The following GRM7 variants were observed in gnomAD, a reference collection of about 807,000 sequenced individuals.
The protein encoded by GRM7 is glutamate metabotropic receptor 7.
A neutral mutation model predicts 84.5 loss-of-function variants in GRM7; 35 were observed. That is an observed-to-expected ratio of 0.41 (90% CI 0.32 to 0.55). GRM7 has a LOEUF of 0.55. GRM7 is among the 20% of genes least tolerant of loss of function. GRM7 has a pLI of 0.19. For synonymous variants in GRM7, 487 were observed against 455.1 expected, an observed-to-expected ratio of 1.07 and a Z score of -0.89; for missense variants, 1,003 against 1,194.6, an observed-to-expected ratio of 0.84 and a Z score of 2.36.
intron 9 of GRM7, among the ~76,000 whole-genome samples, chr3:7,694,164 G>T (rs1424262684): frequency 6.6e-6 from 1 of 152,104 alleles, no homozygotes; most frequent in East Asian, 1.9e-4. Flanking sequence ...AGAAAATGCT[G>T]ACTCTTTAGA....
At chr3:7,454,746 C>G (rs1219047291) in intron 6 of GRM7, among the ~76,000 whole-genome samples, 1 of 151,712 alleles carries the variant, frequency 6.6e-6, no homozygotes, top group Non-Finnish European at 1.5e-5. Context: ...TAGAATGAAC[C>G]CTGTTGTGTT....
At chr3:7,026,260 T>C (rs1695978912) in intron 1 of GRM7, among the ~76,000 whole-genome samples, 2 of 152,200 alleles carry the variant, frequency 1.3e-5, no homozygotes, top group South Asian at 4.1e-4. Flanking sequence ...ACCTACAAGT[T>C]GTCCAGCACC....
At chr3:7,070,876 C>T (rs141748024) in intron 1 of GRM7, among the ~76,000 whole-genome samples, 1 of 152,236 alleles carries the variant, frequency 6.6e-6, no homozygotes, top group East Asian at 1.9e-4. Flanking sequence ...AAGAGTTCTA[C>T]TCTATCAGCT....
chr3:7,007,818 C>T (rs1695231710), intron 1 of GRM7, among the ~76,000 whole-genome samples: 1 of 152,068 alleles, frequency 6.6e-6, no homozygotes, highest in African/African-American at 2.4e-5. Context: ...CCAGTTTATC[C>T]CAAATTCTGA....
intron 2 of GRM7, among the ~76,000 whole-genome samples, chr3:7,249,524 T>A (rs1575079606): frequency 6.6e-6 from 1 of 152,342 alleles, no homozygotes; most frequent in African/African-American, 2.4e-5. Flanking sequence ...TAGTGGTATA[T>A]GATTTTTTGA....
intron 2 of GRM7, among the ~76,000 whole-genome samples, chr3:7,293,571 A>G (rs1699712125): frequency 6.6e-6 from 1 of 152,210 alleles, no homozygotes; most frequent in African/African-American, 2.4e-5. Flanking sequence ...TCCCCACAGA[A>G]GTGTGAATTA....
At position 7,017,716 on chromosome 3, in the gene GRM7, GCC is replaced by G. The variant is rs142386866; in HGVS notation, c.520-128733_520-128732del. Among the ~76,000 whole-genome samples the G allele has an allele frequency of 5.9e-3, 899 of 152,276 alleles. 8 individuals carry two copies. The highest frequency in any genetic ancestry group is 0.02 in the African/African-American group (830 of 41,556). On this transcript the variant is annotated intron_variant, in intron 1 of 9. Coordinates refer to ENST00000357716, the MANE Select transcript of GRM7 (RefSeq NM_000844.4). ...TCCTGAGTTCATGGTACGCAGTGAA[GCC>G]CCATCCTCACAAGCTTTTAAAAAGT...
At position 7,013,010 on chromosome 3, in the gene GRM7, G is replaced by T. The variant is rs139557754; in HGVS notation, c.520-133442G>T. On this transcript the variant is annotated intron_variant, in intron 1 of 9. Transcript: ENST00000357716. ...TGGCGTCTTCCTTCCAATACGCCGG[G>T]ATTACAGGTATGAGCAATGGCACCT... 1.1e-3 allele frequency among the ~76,000 whole-genome samples: 162 copies of T among 151,994 alleles called. 2 individuals are homozygous for T. The highest frequency in any genetic ancestry group is 3.6e-3 in the African/African-American group (150 of 41,456).
At chr3:7,230,054 T>A (rs1220421534) in intron 2 of GRM7, among the ~76,000 whole-genome samples, 1 of 151,420 alleles carries the variant, frequency 6.6e-6, no homozygotes, top group Non-Finnish European at 1.5e-5. Flanking sequence ...TTAGCCAGGA[T>A]GGTCTCGATC....
chr3:7,588,489 G>T (rs182374284), intron 8 of GRM7, among the ~76,000 whole-genome samples: 1 of 152,302 alleles, frequency 6.6e-6, no homozygotes, highest in East Asian at 1.9e-4. Context: ...AAATAAATAG[G>T]TATCTAATTG....
chr3:7,334,742 T>A (rs1701338434), intron 4 of GRM7, among the ~76,000 whole-genome samples: 1 of 151,916 alleles, frequency 6.6e-6, no homozygotes, highest in African/African-American at 2.4e-5. Flanking sequence ...TCCATGCAAA[T>A]GGAAACCAAA....
chr3:6,889,174 C>G (rs1695829574), intron 1 of GRM7, among the ~76,000 whole-genome samples: 2 of 152,166 alleles, frequency 1.3e-5, no homozygotes, highest in Admixed American at 6.5e-5. Flanking sequence ...ATGTCACCTG[C>G]AAACAGGGAC....
chr3:6,951,699 C>G (rs1312677987), intron 1 of GRM7, among the ~76,000 whole-genome samples: 3 of 152,108 alleles, frequency 2.0e-5, no homozygotes, highest in Non-Finnish European at 4.4e-5. Context: ...GGTAAATGTT[C>G]CAAGTCCCCT....
intron 7 of GRM7, among the ~76,000 whole-genome samples, chr3:7,527,411 C>G (rs965647616): frequency 3.3e-5 from 5 of 151,844 alleles, no homozygotes; most frequent in African/African-American, 1.2e-4. Context: ...TTTGTTGGAT[C>G]TAGGAGTCTT....
At chr3:7,261,702 T>C (rs1021111712) in intron 2 of GRM7, among the ~76,000 whole-genome samples, 35 of 152,258 alleles carry the variant, frequency 2.3e-4, no homozygotes, top group African/African-American at 8.2e-4. Flanking sequence ...TCTGTGTACT[T>C]ACGTGTGTCT....
intron 9 of GRM7, among the ~76,000 whole-genome samples, chr3:7,734,669 T>C (rs982072240): frequency 6.6e-6 from 1 of 152,218 alleles, no homozygotes; most frequent in Non-Finnish European, 1.5e-5. Context: ...ACCAAACATA[T>C]GAGCAATAGC....
At chr3:7,395,114 C>T (rs73809098) in intron 4 of GRM7, among the ~76,000 whole-genome samples, 2,126 of 151,564 alleles carry the variant, frequency 0.014, 51 homozygotes, top group African/African-American at 0.047. Context: ...TCCCATGTTA[C>T]GATTATTTTC....
At position 7,452,703 on chromosome 3, in the gene GRM7, A is replaced by C; in HGVS notation, c.1271A>C (p.His424Pro). 1 of 1,613,172 alleles carries C rather than the reference A, an allele frequency of 6.2e-7. No individual in the cohort carries two copies. The highest frequency in any genetic ancestry group is 8.5e-7 in the Non-Finnish European group (1 of 1,179,300). ...AVYAMAHALH[H>P]MNKDLCADYR... is the part of the protein sequence containing the mutation. ...TATGCTATGGCTCACGCCCTTCACC[A>C]CATGAACAAGGATCTCTGTGCTGAC... The change falls in exon 6 of 10, where the codon CAC (histidine) becomes CCC (proline). Residue 424 changes from histidine to proline, a missense_variant. Coordinates refer to ENST00000357716, the MANE Select transcript of GRM7 (RefSeq NM_000844.4).
intron 7 of GRM7, among the ~76,000 whole-genome samples, chr3:7,519,546 T>C (rs1213304811): frequency 6.6e-6 from 1 of 152,168 alleles, no homozygotes; most frequent in Non-Finnish European, 1.5e-5. Flanking sequence ...GCAGAAGGCA[T>C]GGAGTTAAAG....
Sources: gnomAD v4.1 joint callset for allele counts (sites outside exome capture counted in the v4.1 genomes callset) on GRCh38, gnomAD v4.1.1 for gene constraint, MANE v1.5 for transcripts, NCBI Gene and HGNC (gene_info 2026-07-23, HGNC 2026-07-21) for gene names.